LRCH1: variants seen among roughly 807,000 people sequenced by gnomAD.
The protein encoded by LRCH1 is leucine rich repeats and calponin homology domain containing 1.
LRCH1 carries 23 observed loss-of-function variants against 94.9 expected under a neutral mutation model. The ratio of observed to expected loss-of-function variants is 0.24; its 90% CI spans 0.17 to 0.34. The LOEUF is 0.34. Ranked by LOEUF, LRCH1 falls within the 10% of genes least tolerant of loss-of-function variation. The probability of loss-of-function intolerance (pLI) is 1.00; values close to 1 mark genes in which losing one functional copy is unlikely to be tolerated. For synonymous variants in LRCH1, 364 were observed against 354.9 expected (o/e 1.03, Z -0.29); for missense variants, 790 against 945.9 (o/e 0.84, Z 2.16).
intron 15 of LRCH1, among the ~76,000 whole-genome samples, chr13:46,714,974 A>G (rs1872247471): frequency 6.6e-6 from 1 of 152,228 alleles, no homozygotes; most frequent in Non-Finnish European, 1.5e-5. Context: ...AATTAGCTAG[A>G]TTCAGCTATC....
chr13:46,703,919 A>G (rs1211384022), intron 11 of LRCH1, among the ~76,000 whole-genome samples: 1 of 149,698 alleles, frequency 6.7e-6, no homozygotes, highest in Non-Finnish European at 1.5e-5. Flanking sequence ...ATTAAAATGG[A>G]AGGAAATATA....
intron 16 of LRCH1, among the ~76,000 whole-genome samples, chr13:46,722,082 C>T (rs7999061): frequency 0.039 from 5,864 of 152,210 alleles, 361 homozygotes; most frequent in African/African-American, 0.13. Context: ...ATTGAAATAG[C>T]TTCTAAAGAG....
chr13:46,620,906 G>A (rs1291134597), intron 1 of LRCH1, among the ~76,000 whole-genome samples: 1 of 152,214 alleles, frequency 6.6e-6, no homozygotes, highest in Non-Finnish European at 1.5e-5. Flanking sequence ...GCTTATGGAA[G>A]AGATGTAATC....
intron 1 of LRCH1, among the ~76,000 whole-genome samples, chr13:46,572,867 GT>G (rs1262744430): frequency 6.6e-6 from 1 of 151,992 alleles, no homozygotes; most frequent in African/African-American, 2.4e-5. Flanking sequence ...GCCTGTTACT[GT>G]ATGTGACAAG....
At position 46,613,058 on chromosome 13, in the gene LRCH1, C is replaced by T. The variant is rs149720068; in HGVS notation, c.308-37143C>T. Among the ~76,000 whole-genome samples, 587 of 152,222 alleles carry T rather than the reference C, an allele frequency of 3.9e-3. 7 individuals are homozygous for T. The highest frequency in any genetic ancestry group is 0.013 in the African/African-American group (522 of 41,524). ...TTTGTACATTATTATTTCAGATCAC[C>T]GTAACAAATATTACCAGGTTTTTAA... On this transcript the variant is annotated intron_variant, in intron 1 of 19. Coordinates refer to ENST00000389797, the MANE Select transcript of LRCH1 (RefSeq NM_001164211.2).
chr13:46,589,820 C>G (rs970530039), intron 1 of LRCH1, among the ~76,000 whole-genome samples: 51 of 151,532 alleles, frequency 3.4e-4, no homozygotes, highest in African/African-American at 1.2e-3. Context: ...AGGCTGGTCT[C>G]GAACTCCTGA....
At chr13:46,691,546 A>G (rs1245271553) in intron 7 of LRCH1, among the ~76,000 whole-genome samples, 1 of 152,262 alleles carries the variant, frequency 6.6e-6, no homozygotes, top group Non-Finnish European at 1.5e-5. Context: ...ACAGTTCTGC[A>G]GGCTGTACAC....
chr13:46,588,191 A>G (rs1029487495), intron 1 of LRCH1, among the ~76,000 whole-genome samples: 2 of 152,228 alleles, frequency 1.3e-5, no homozygotes, highest in Non-Finnish European at 2.9e-5. Flanking sequence ...AAGCAGAAGC[A>G]TACAGTTTCG....
At chr13:46,711,908 T>C in intron 14 of LRCH1, 64 bp downstream of exon 14, 3 of 1,189,836 alleles carry the variant, frequency 2.5e-6, no homozygotes, top group Admixed American at 1.8e-5. Flanking sequence ...GAATATCTTT[T>C]ACAGAAATAT....
At chr13:46,592,492 C>G (rs1470705544) in intron 1 of LRCH1, among the ~76,000 whole-genome samples, 1 of 152,202 alleles carries the variant, frequency 6.6e-6, no homozygotes, top group Non-Finnish European at 1.5e-5. Context: ...TTAAAGAAAA[C>G]AAGGTTTTCT....
Position 46,652,065 on chromosome 13 carries a change from T to G in LRCH1, c.452+1720T>G, listed in dbSNP as rs865859867. On this transcript the variant is annotated intron_variant, in intron 2 of 19. Transcript: ENST00000389797. ...ACCAGGCCTGCTGATGTTTTTTTTT[T>G]TTTTTTTTTTGTTTTGTTTTGTTTG... Among the ~76,000 whole-genome samples, 50 of 135,298 alleles carry G rather than the reference T, an allele frequency of 3.7e-4. 6 individuals carry two copies. The highest frequency in any genetic ancestry group is 3.9e-3 in the Middle Eastern group (1 of 254). The allele number at this position is 135,298 out of a possible 152,430, so 88.8% of individuals were successfully genotyped here.
intron 1 of LRCH1, among the ~76,000 whole-genome samples, chr13:46,607,672 C>T (rs1255331302): frequency 6.6e-6 from 1 of 150,814 alleles, no homozygotes; most frequent in Non-Finnish European, 1.5e-5. Context: ...ATATGAGACA[C>T]AGTCTCGCTC....
chr13:46,707,137 C>T (rs183888064), intron 13 of LRCH1, among the ~76,000 whole-genome samples: 5 of 152,284 alleles, frequency 3.3e-5, no homozygotes, highest in African/African-American at 1.2e-4. Flanking sequence ...AGTGTAAGAT[C>T]CAGTTTAGTT....
chr13:46,558,021 A>C (rs1380651921), intron 1 of LRCH1, among the ~76,000 whole-genome samples: 1 of 152,108 alleles, frequency 6.6e-6, no homozygotes, highest in Non-Finnish European at 1.5e-5. Flanking sequence ...TACGTGACAG[A>C]GTGAGACCCT....
intron 7 of LRCH1, among the ~76,000 whole-genome samples, chr13:46,690,146 A>G (rs1291642081): frequency 2.0e-5 from 3 of 152,130 alleles, no homozygotes; most frequent in East Asian, 1.9e-4. Context: ...TTTATTTTTC[A>G]CAAAATACTC....
chr13:46,644,387 T>C (rs566467973), intron 1 of LRCH1, among the ~76,000 whole-genome samples: 1 of 152,370 alleles, frequency 6.6e-6, no homozygotes, highest in Admixed American at 6.5e-5. Flanking sequence ...CTTTTCAAAA[T>C]TTAAACTCCT....
At chr13:46,616,814 G>T (rs1252428518) in intron 1 of LRCH1, among the ~76,000 whole-genome samples, 1 of 152,216 alleles carries the variant, frequency 6.6e-6, no homozygotes, top group East Asian at 1.9e-4. Context: ...GTCAGCAAAG[G>T]GTGGTGGATT....
intron 1 of LRCH1, among the ~76,000 whole-genome samples, chr13:46,558,283 A>G (rs1248348066): frequency 6.6e-6 from 1 of 152,212 alleles, no homozygotes; most frequent in African/African-American, 2.4e-5. Flanking sequence ...CATTGTGTGT[A>G]GAATTCAGAG....
chr13:46,639,109 T>C (rs530811809), intron 1 of LRCH1, among the ~76,000 whole-genome samples: 20 of 152,338 alleles, frequency 1.3e-4, no homozygotes, highest in Admixed American at 2.6e-4. Context: ...ATTTCTTTTA[T>C]GGTTAAGAGT....
Sources: gnomAD v4.1 joint callset for allele counts (sites outside exome capture counted in the v4.1 genomes callset) on GRCh38, gnomAD v4.1.1 for gene constraint, MANE v1.5 for transcripts, NCBI Gene and HGNC (gene_info 2026-07-23, HGNC 2026-07-21) for gene names.